The following CD274 variants were observed in gnomAD, a reference collection of about 807,000 sequenced individuals.
CD274 encodes the protein programmed cell death 1 ligand 1.
CD274 carries 8 observed loss-of-function variants against 30.1 expected under a neutral mutation model. The ratio of observed to expected loss-of-function variants is 0.27; its 90% CI spans 0.16 to 0.48. The LOEUF (loss-of-function observed/expected upper bound fraction) is 0.48. Ranked by LOEUF, CD274 falls within the 20% of genes least tolerant of loss-of-function variation. CD274 has a pLI of 0.99. For synonymous variants in CD274, 152 were observed against 124.6 expected (o/e 1.22, Z -1.46); for missense variants, 353 against 346.6 (o/e 1.02, Z -0.15).
intron 5 of CD274, among the ~76,000 whole-genome samples, chr9:5,466,466 A>G (rs189132491): frequency 6.6e-6 from 1 of 152,300 alleles, no homozygotes; most frequent in East Asian, 1.9e-4. Flanking sequence ...CTGGAAAAAA[A>G]GATTAGTTGG....
intron 2 of CD274, 84 bp from the exon 3 acceptor site, chr9:5,456,995 A>C (rs1006223733): frequency 1.2e-6 from 1 of 867,802 alleles, no homozygotes; most frequent in Non-Finnish European, 1.8e-6. Context: ...CGACCAGATA[A>C]AGTGATTTAT....
intron 4 of CD274, among the ~76,000 whole-genome samples, chr9:5,465,029 G>T (rs1037235627): frequency 6.6e-6 from 1 of 150,842 alleles, no homozygotes; most frequent in African/African-American, 2.4e-5. Context: ...GGAAGTTGCA[G>T]TGAGCCCAGA....
At chr9:5,465,867 C>T (rs1029567092) in intron 5 of CD274, 1 of 256,130 alleles carries the variant, frequency 3.9e-6, no homozygotes, top group Admixed American at 5.4e-5. Context: ...TAACCACAGA[C>T]TTACAGAAGA....
chr9:5,467,111 A>G (rs1819509615), intron 6 of CD274, among the ~76,000 whole-genome samples: 1 of 152,100 alleles, frequency 6.6e-6, no homozygotes, highest in African/African-American at 2.4e-5. Context: ...TAATTAATTG[A>G]TTCTAAAATA....
In CD274 at chr9:5,450,562, G is replaced by C. The variant is rs1045849457; in HGVS notation, c.-49G>C. The C allele has an allele frequency of 3.3e-5, 5 of 152,312 alleles. No individual in the cohort carries two copies. Among genetic ancestry groups the C allele is most frequent in the Admixed American group, 1.3e-4 (2 of 15,290 alleles). 9.4% of individuals were successfully genotyped at this position (152,312 alleles called of 1,614,324 possible). On this transcript the variant is annotated 5_prime_UTR_variant, in exon 1 of 7. Coordinates refer to ENST00000381577, the MANE Select transcript of CD274 (RefSeq NM_014143.4). ...GCCCCAGTTCTGCGCAGCTTCCCGA[G>C]GCTCCGCACCAGCCGCGCTTCTGTC...
chr9:5,466,877 A>C (rs1446348180), intron 6 of CD274, 48 bp downstream of exon 6: 10 of 1,350,552 alleles, frequency 7.4e-6, no homozygotes, highest in African/African-American at 1.5e-5. Flanking sequence ...AGGAAACAAA[A>C]AGCTAAAGCA....
In CD274 at chr9:5,469,677, AT is replaced by A. The variant is rs1819558151; in HGVS notation, c.*1816del. The A allele has an allele frequency of 4.3e-6, 1 of 232,156 alleles. No individual in the cohort carries two copies. The highest frequency in any genetic ancestry group is 5.6e-5 in the Admixed American group (1 of 17,736). The allele number at this position is 232,156 out of a possible 1,614,324, so 14.4% of individuals were successfully genotyped here. ...TTCATTATCTTTCATATGATCCAGTATATGTTAAATATGTCCTACATATACA... is the reference window on the plus strand; with the variant it reads ...TTCATTATCTTTCATATGATCCAGTAATGTTAAATATGTCCTACATATACA... On this transcript the variant is annotated 3_prime_UTR_variant, in exon 7 of 7. Coordinates refer to ENST00000381577, the MANE Select transcript of CD274 (RefSeq NM_014143.4).
intron 6 of CD274, 90 bp downstream of exon 6, chr9:5,466,919 C>T (rs1819506476): frequency 2.2e-6 from 2 of 921,950 alleles, no homozygotes; most frequent in South Asian, 1.6e-5. Context: ...GTCATAATCT[C>T]CTCTCCTTTT....
intron 1 of CD274, among the ~76,000 whole-genome samples, chr9:5,453,548 A>G (rs1247557222): frequency 6.6e-6 from 1 of 152,218 alleles, no homozygotes; most frequent in Non-Finnish European, 1.5e-5. Flanking sequence ...AAAATTGGCA[A>G]CAATCTGATA....
At chr9:5,454,981 T>C (rs193297337) in intron 1 of CD274, among the ~76,000 whole-genome samples, 1 of 152,236 alleles carries the variant, frequency 6.6e-6, no homozygotes, top group African/African-American at 2.4e-5. Flanking sequence ...TCCTCATGGG[T>C]TATGTGTAGT....
In CD274 at chr9:5,467,821, T is replaced by C. The variant is rs1030234771; in HGVS notation, c.851-19T>C. On this transcript the variant is annotated intron_variant, in intron 6 of 6. Transcript: ENST00000381577. ...CAGACCACTTCCCATGAAATTAATA[T>C]ACTATTATCACTCTCCAGATACACA... 2 of 1,597,738 alleles carry C rather than the reference T, an allele frequency of 1.3e-6. No individual in the cohort carries two copies. The highest frequency in any genetic ancestry group is 1.7e-6 in the Non-Finnish European group (2 of 1,165,124).
intron 6 of CD274, among the ~76,000 whole-genome samples, chr9:5,467,041 G>T (rs1239150366): frequency 6.6e-6 from 1 of 152,072 alleles, no homozygotes; most frequent in African/African-American, 2.4e-5. Context: ...CTAATCTTCT[G>T]TTGCCCTGCA....
At chr9:5,466,622 T>G (rs1819501411) in intron 5 of CD274, 148 bp from the exon 6 acceptor site, 2 of 602,062 alleles carry the variant, frequency 3.3e-6, no homozygotes, top group South Asian at 2.2e-5. Flanking sequence ...TTAATTAACC[T>G]CATAAGTTGG....
chr9:5,455,316 A>C (rs562024245), intron 1 of CD274, among the ~76,000 whole-genome samples: 1 of 152,214 alleles, frequency 6.6e-6, no homozygotes, highest in Non-Finnish European at 1.5e-5. Context: ...TCATGCTTAA[A>C]ATAGTGCCTA....
At chr9:5,457,792 T>A (rs1819333323) in intron 3 of CD274, among the ~76,000 whole-genome samples, 1 of 152,216 alleles carries the variant, frequency 6.6e-6, no homozygotes, top group South Asian at 2.1e-4. Flanking sequence ...CTATCTCCCA[T>A]GGCATGCAGA....
rs564411129 is a variant in CD274 at position 5,461,061 on chromosome 9, A to T, written c.395-1773A>T. Among the ~76,000 whole-genome samples, 3 of 152,322 alleles carry T rather than the reference A, an allele frequency of 2.0e-5. No individual in the cohort carries two copies. In the East Asian group the frequency reaches 5.8e-4, roughly 29 times the overall value. On this transcript the variant is annotated intron_variant, in intron 3 of 6. Transcript: ENST00000381577. Reference sequence around the variant, plus strand: ...TTACTAATTGTGATGCTTCACTATCATTAGCTAATATGTCAAGGCATAATA... The same window carrying T: ...TTACTAATTGTGATGCTTCACTATCTTTAGCTAATATGTCAAGGCATAATA...
chr9:5,457,313 A>G lies in CD274; in HGVS notation c.287A>G (p.Asn96Ser). The G allele has an allele frequency of 1.2e-6, 2 of 1,614,100 alleles. No individual in the cohort carries two copies. Among genetic ancestry groups the G allele is most frequent in the Non-Finnish European group, 1.7e-6 (2 of 1,180,004 alleles). ...TTGAAGGACCAGCTCTCCCTGGGAA[A>G]TGCTGCACTTCAGATCACAGATGTG... Reference protein sequence around the residue: ...RLLKDQLSLGNAALQITDVKL... With the variant: ...RLLKDQLSLGSAALQITDVKL... Residue 96 changes from asparagine to serine, a missense_variant, in exon 3 of 7, where the codon AAT becomes AGT. Transcript: ENST00000381577.
At chr9:5,466,120 T>C (rs887658044) in intron 5 of CD274, among the ~76,000 whole-genome samples, 12 of 152,226 alleles carry the variant, frequency 7.9e-5, no homozygotes, top group African/African-American at 2.7e-4. Flanking sequence ...AATAATTTCC[T>C]CCCATTTAAG....
At chr9:5,466,938 C>T in intron 6 of CD274, 109 bp downstream of exon 6, 2 of 773,960 alleles carry the variant, frequency 2.6e-6, no homozygotes, top group Non-Finnish European at 4.2e-6. Context: ...TTAAAGAATG[C>T]TGGTTCCCCT....
Sources: gnomAD v4.1 joint callset for allele counts (sites outside exome capture counted in the v4.1 genomes callset) on GRCh38, gnomAD v4.1.1 for gene constraint, MANE v1.5 for transcripts, NCBI Gene and HGNC (gene_info 2026-07-23, HGNC 2026-07-21) for gene names.